MVB12A: variants seen among roughly 807,000 people sequenced by gnomAD.
MVB12A encodes CIN85/CD2AP family binding protein.
MVB12A carries 30 observed loss-of-function variants against 34.3 expected under a neutral mutation model. That is an observed-to-expected ratio of 0.88 (90% CI 0.65 to 1.19). The LOEUF (loss-of-function observed/expected upper bound fraction) is 1.19. Among genes scored for constraint, MVB12A ranks in the 50% most tolerant of loss-of-function variants. The pLI is 0.00. For synonymous variants in MVB12A, 158 were observed against 158.9 expected, an observed-to-expected ratio of 0.99 and a Z score of 0.04; for missense variants, 355 against 369.2, an observed-to-expected ratio of 0.96 and a Z score of 0.31.
upstream of MVB12A, chr19:17,419,906 T>C (rs2074824554): frequency 2.6e-6 from 1 of 389,020 alleles, no homozygotes. Context: ...TCCGCCATCA[T>C]CGCTCACGCG....
chr19:17,413,626 C>T (rs1283073763), intron 2 of MVB12A, among the ~76,000 whole-genome samples: 1 of 152,056 alleles, frequency 6.6e-6, no homozygotes, highest in Non-Finnish European at 1.5e-5. Context: ...AGGAGGGTCC[C>T]TTGAGCCCAA....
chr19:17,417,923 G>A (rs1361062423), upstream of MVB12A: 16 of 258,554 alleles, frequency 6.2e-5, no homozygotes, highest in Non-Finnish European at 1.1e-4. Flanking sequence ...TTGAGATGGA[G>A]TTTCACTCTG....
Position 17,422,322 on chromosome 19 carries a change from C to A in MVB12A, c.287-10C>A, listed in dbSNP as rs746069028. The A allele has an allele frequency of 1.2e-6, 2 of 1,609,142 alleles. No individual in the cohort carries two copies. The highest frequency in any genetic ancestry group is 8.5e-7 in the Non-Finnish European group (1 of 1,176,900). ...CTTCCCTCTCTCACTCCCCTACCCC[C>A]CACTCCCAGAGGCCTCTGTGTCCAA... On this transcript the variant is annotated splice_polypyrimidine_tract_variant and intron_variant, in intron 3 of 8. Coordinates refer to ENST00000317040, the MANE Select transcript of MVB12A (RefSeq NM_138401.4).
At chr19:17,419,928 C>A (rs2074824762), upstream of MVB12A, 2 of 399,752 alleles carry the variant, frequency 5.0e-6, no homozygotes, top group Admixed American at 4.5e-5. Flanking sequence ...GCAACCCTGG[C>A]GACGCGTGGT....
Position 17,425,122 on chromosome 19 carries a change from T to G in MVB12A, c.*129T>G. 1 of 631,604 alleles carries G rather than the reference T, an allele frequency of 1.6e-6. No homozygotes were observed. The highest frequency in any genetic ancestry group is 2.8e-6 in the Non-Finnish European group (1 of 356,140). The allele number at this position is 631,604 out of a possible 1,614,324, so 39.1% of individuals were successfully genotyped here. A position where few individuals can be genotyped will look rare whatever the true frequency, so the allele number is the denominator to read the frequency against. ...TGGGAACCTTCGCCCTGCAAGGCGT[T>G]TGCTATCTTCAGCCACTGGGCGGAG... On this transcript the variant is annotated 3_prime_UTR_variant, in exon 9 of 9. Coordinates refer to ENST00000317040, the MANE Select transcript of MVB12A (RefSeq NM_138401.4).
chr19:17,410,497 CATATATATATATATATATATAT>C (rs373127253), intron 2 of MVB12A, among the ~76,000 whole-genome samples: 2 of 77,626 alleles, frequency 2.6e-5, no homozygotes, highest in Non-Finnish European at 2.3e-5. Context: ...GTTTTAGCTT[CATATATATATATATATATATAT>C]ATATATATAT....
intron 2 of MVB12A, among the ~76,000 whole-genome samples, chr19:17,409,802 G>A (rs2074752808): frequency 6.6e-6 from 1 of 150,392 alleles, no homozygotes; most frequent in Non-Finnish European, 1.5e-5. Context: ...CTCAGGCTGG[G>A]GTGCATTGGC....
chr19:17,418,282 T>C (rs2074814201), upstream of MVB12A: 1 of 195,790 alleles, frequency 5.1e-6, no homozygotes. Context: ...GGGTCACCAT[T>C]AGCCATCCTG....
intron 4 of MVB12A, among the ~76,000 whole-genome samples, 155 bp from the exon 5 acceptor site, chr19:17,423,343 G>A (rs1344813013): frequency 6.8e-6 from 1 of 147,492 alleles, no homozygotes; most frequent in East Asian, 2.0e-4. Flanking sequence ...TGGGCAACAT[G>A]AGCGAAACTC....
chr19:17,425,177 G>A lies in MVB12A; in HGVS notation c.*184G>A. On this transcript the variant is annotated 3_prime_UTR_variant, in exon 9 of 9. Transcript: ENST00000317040. ...AGCCCTGGAGGAGGGGGCGGGTCGA[G>A]GCTGCGTGGTGATGGGGTCTCCGCC... 1.8e-6 allele frequency: 1 copy of A among 554,252 alleles called. No individual in the cohort carries two copies. 34.3% of individuals were successfully genotyped at this position (554,252 alleles called of 1,614,324 possible).
At chr19:17,410,789 C>A (rs1204126633) in intron 2 of MVB12A, among the ~76,000 whole-genome samples, 1 of 144,584 alleles carries the variant, frequency 6.9e-6, no homozygotes, top group East Asian at 2.1e-4. Context: ...ACTAGCCAGG[C>A]GTAGTGGCAG....
chr19:17,417,071 GC>G, upstream of MVB12A: 1 of 426,344 alleles, frequency 2.3e-6, no homozygotes, highest in South Asian at 1.8e-5. Context: ...GGCAACTTTA[GC>G]AGGACCCTTT....
chr19:17,405,904 G>A (rs367552702), intron 1 of MVB12A: 48 of 243,876 alleles, frequency 2.0e-4, no homozygotes, highest in South Asian at 3.2e-4. Flanking sequence ...TGCCTAGGCC[G>A]TGCCAGCCTG....
chr19:17,421,225 C>T (rs186911497), intron 3 of MVB12A: 10 of 356,902 alleles, frequency 2.8e-5, no homozygotes, highest in East Asian at 7.7e-5. Flanking sequence ...GCTCTTGTTG[C>T]CCAGGCTGGA....
upstream of MVB12A, chr19:17,417,985 C>T (rs1388635444): frequency 5.4e-6 from 1 of 184,050 alleles, no homozygotes; most frequent in Non-Finnish European, 1.2e-5. Flanking sequence ...CAACTTTCTC[C>T]TCCCAGGTTC....
At chr19:17,410,147 A>G (rs1334212878) in intron 2 of MVB12A, among the ~76,000 whole-genome samples, 1 of 151,988 alleles carries the variant, frequency 6.6e-6, no homozygotes, top group Admixed American at 6.6e-5. Flanking sequence ...TAGAAATGGA[A>G]ACTGTTATGC....
At chr19:17,420,014 C>CGG (rs1555735861), upstream of MVB12A, 18 of 354,318 alleles carry the variant, frequency 5.1e-5, no homozygotes, top group African/African-American at 2.9e-4. Context: ...GGGCAATCTC[C>CGG]GCCCCCCCCC....
rs537041971 is a variant in MVB12A, at chr19:17,410,026, C to T, written c.-5+3730C>T. On this transcript the variant is annotated intron_variant, in intron 2 of 6. Coordinates refer to the MVB12A transcript ENST00000528604. ...TCCATCTCGGCCTCCCAAAGTACTG[C>T]GATTACAGCCATGAGCCACCACGCC... Among the ~76,000 whole-genome samples the T allele has an allele frequency of 6.6e-5, 10 of 151,224 alleles. 1 individual carries two copies. Among genetic ancestry groups the T allele is most frequent in the Middle Eastern group, 3.4e-3 (1 of 290 alleles).
intron 2 of MVB12A, chr19:17,406,391 A>T (rs1204032376): frequency 6.6e-6 from 1 of 152,226 alleles, no homozygotes; most frequent in Non-Finnish European, 1.5e-5. Context: ...AGGGCTTCCT[A>T]CAGGAAATCA....
Sources: gnomAD v4.1 joint callset for allele counts (sites outside exome capture counted in the v4.1 genomes callset) on GRCh38, gnomAD v4.1.1 for gene constraint, MANE v1.5 for transcripts, NCBI Gene and HGNC (gene_info 2026-07-23, HGNC 2026-07-21) for gene names.